The following NOP14 variants were observed in gnomAD, a reference collection of about 807,000 sequenced individuals.
NOP14 encodes the protein nucleolar protein 14.
In NOP14, 57 loss-of-function variants were observed where a neutral mutation model predicts 101.6. That is an observed-to-expected ratio of 0.56 (90% confidence interval 0.45 to 0.70). NOP14 has a LOEUF of 0.70. Among genes scored for constraint, NOP14 ranks in the 30% least tolerant of loss-of-function variants. The probability of loss-of-function intolerance (pLI) is 0.00; values close to 1 mark genes in which losing one functional copy is unlikely to be tolerated. For missense variants in NOP14, 1,134 were observed against 1,075.5 expected, an observed-to-expected ratio of 1.05 and a Z score of -0.76; for synonymous variants, 428 against 424.0, an observed-to-expected ratio of 1.01 and a Z score of -0.12.
At position 2,950,066 on chromosome 4, in the gene NOP14, A is replaced by T; in HGVS notation, c.1150T>A (p.Ser384Thr). ...TTTTCTTCCTCACTCTCCACGTTGGATTCCAGGTCCAAGTGGCTATCTGGG... is the reference window on the plus strand; with the variant it reads ...TTTTCTTCCTCACTCTCCACGTTGGTTTCCAGGTCCAAGTGGCTATCTGGG... ...DSPDSHLDLE[S>T]NVESEEENEK... The change falls in exon 8 of 18, where the codon TCC becomes ACC. Residue 384 changes from serine to threonine, a missense_variant. Physicochemically the swap from Ser to Thr is moderately conservative, Grantham distance 58. Transcript: ENST00000416614. 1 of 1,613,956 alleles carries T rather than the reference A, an allele frequency of 6.2e-7. No individual in the cohort carries two copies.
chr4:2,961,103 ATTT>A (rs1348933774), intron 1 of NOP14, among the ~76,000 whole-genome samples: 31 of 38,672 alleles, frequency 8.0e-4, no homozygotes, highest in African/African-American at 4.6e-3. Context: ...ATATATTAAT[ATTT>A]TAATAATATA....
chr4:2,938,989 C>T (rs1386832782), intron 17 of NOP14, 59 bp from the exon 18 acceptor site: 8 of 1,520,252 alleles, frequency 5.3e-6, no homozygotes, highest in East Asian at 2.3e-5. Context: ...AGCATCTTGC[C>T]CTCTCTCTCC....
chr4:2,941,890 C>G (rs185837917), intron 14 of NOP14, 161 bp from the exon 15 acceptor site: 76 of 824,752 alleles, frequency 9.2e-5, no homozygotes, highest in Admixed American at 1.9e-4. Context: ...ACGGGCAAGG[C>G]AGGCTCAGGG....
chr4:2,951,052 CAAA>C (rs1714993904), intron 7 of NOP14, 59 bp downstream of exon 7: 2 of 1,467,290 alleles, frequency 1.4e-6, no homozygotes, highest in African/African-American at 2.8e-5. Context: ...AAATGAATAC[CAAA>C]AAAATGTTTT....
intron 1 of NOP14, among the ~76,000 whole-genome samples, chr4:2,961,202 A>AATGATATT (rs1553864839): frequency 2.0e-5 from 2 of 102,116 alleles, no homozygotes; most frequent in African/African-American, 4.5e-5. Flanking sequence ...CTAATATTAT[A>AATGATATT]ATAATATATT....
At chr4:2,946,685 A>G (rs1315672772) in intron 10 of NOP14, 138 bp from the exon 11 acceptor site, 1 of 719,134 alleles carries the variant, frequency 1.4e-6, no homozygotes, top group African/African-American at 1.8e-5. Context: ...TTCTAACAGC[A>G]TTCTTAAGAG....
chr4:2,941,227 C>T (rs1304825182), intron 15 of NOP14: 2 of 238,862 alleles, frequency 8.4e-6, no homozygotes, highest in Non-Finnish European at 1.7e-5. Context: ...GATAGTGAGA[C>T]CATCCTTGGA....
rs1713818021 is a variant in NOP14, at chr4:2,938,299, T to C, written c.*532A>G. On this transcript the variant is annotated 3_prime_UTR_variant, in exon 18 of 18. Transcript: ENST00000416614. ...TAATTGGGGGGCCAAGGCAGGTGGA[T>C]TACCTGAGGTCGGGAATTCGAGACC... The C allele has an allele frequency of 9.4e-7, 1 of 1,069,392 alleles. No homozygotes were observed. The highest frequency in any genetic ancestry group is 1.3e-5 in the South Asian group (1 of 76,496). 66.2% of individuals were successfully genotyped at this position (1,069,392 alleles called of 1,614,324 possible). A position where few individuals can be genotyped will look rare whatever the true frequency, so the allele number is the denominator to read the frequency against.
chr4:2,959,646 G>A (rs1295239366), intron 1 of NOP14, among the ~76,000 whole-genome samples: 1 of 152,074 alleles, frequency 6.6e-6, no homozygotes, highest in African/African-American at 2.4e-5. Context: ...ACAATTTCCT[G>A]AACCAGAGTC....
At position 2,944,094 on chromosome 4, in the gene NOP14, T is replaced by G. The variant is rs761697381; in HGVS notation, c.1870A>C (p.Thr624Pro). The stretch of plus-strand genomic sequence containing the variant: ...TCACCTTGGCTTGCTTTGTTTGGAG[T>G]TGCTATGTAAAGAATCCCAAGAAGA... ...NFLLGILYIATPNKASQGSTL... is the reference protein window; with the variant it reads ...NFLLGILYIAPPNKASQGSTL... Residue 624 changes from threonine (T) to proline (P), a missense_variant, in exon 13 of 18, where the codon ACT (threonine) becomes CCT (proline). Physicochemically the swap from Thr to Pro is conservative, Grantham distance 38. Transcript: ENST00000416614. The G allele has an allele frequency of 1.2e-6, 2 of 1,611,116 alleles. No homozygotes were observed. The highest frequency in any genetic ancestry group is 1.7e-6 in the Non-Finnish European group (2 of 1,178,912).
At chr4:2,939,784 C>A in intron 15 of NOP14, 139 bp from the exon 16 acceptor site, 1 of 732,556 alleles carries the variant, frequency 1.4e-6, no homozygotes. Context: ...CCTTGCTGTG[C>A]GCCTACCGGT....
intron 12 of NOP14, 105 bp from the exon 13 acceptor site, chr4:2,944,331 A>G: frequency 1.0e-6 from 1 of 987,688 alleles, no homozygotes; most frequent in South Asian, 1.7e-5. Flanking sequence ...TGAGCTTCAC[A>G]AGTACAGAGG....
Position 2,942,277 on chromosome 4 carries a change from C to T in NOP14, c.1966G>A (p.Val656Met), listed in dbSNP as rs1366297260. The change falls in exon 14 of 18, where the codon GTG becomes ATG. Residue 656 changes from valine to methionine, a missense_variant. Coordinates refer to ENST00000416614, the MANE Select transcript of NOP14 (RefSeq NM_001291978.2). ...AGGCTGCTCTGCTGCCACGTGGCCA[C>T]ATCCTCTCTAGCAGACACCACGAGC... ...ELLVVSARED[V>M]ATWQQSSLSL... The T allele has an allele frequency of 6.2e-7, 1 of 1,614,062 alleles. No homozygotes were observed. Among genetic ancestry groups the T allele is most frequent in the African/African-American group, 1.3e-5 (1 of 74,936 alleles).
chr4:2,949,873 C>T (rs1714896610), intron 8 of NOP14, 61 bp downstream of exon 8: 15 of 1,589,980 alleles, frequency 9.4e-6, no homozygotes, highest in African/African-American at 1.3e-5. Context: ...CGAACACACA[C>T]AGCTATGGCC....
At chr4:2,940,608 C>T (rs555723799) in intron 15 of NOP14, 5 of 152,484 alleles carry the variant, frequency 3.3e-5, no homozygotes, top group Admixed American at 2.0e-4. Context: ...AGCTTATCTG[C>T]TCTATGCTCC....
intron 13 of NOP14, among the ~76,000 whole-genome samples, chr4:2,942,654 C>T (rs998969728): frequency 3.3e-5 from 5 of 152,168 alleles, no homozygotes; most frequent in South Asian, 2.1e-4. Flanking sequence ...AGGCCACATC[C>T]GGGAACAGAC....
rs796129319 is a variant in NOP14 at position 2,950,389 on chromosome 4, T to C, written c.1003-176A>G. 18 of 653,548 alleles carry C rather than the reference T, an allele frequency of 2.8e-5. No homozygotes were observed. The African/African-American group carries it at 2.9e-4, about 11-fold the overall frequency. 40.5% of individuals were successfully genotyped at this position (653,548 alleles called of 1,614,324 possible). A position where few individuals can be genotyped will look rare whatever the true frequency, so the allele number is the denominator to read the frequency against. On this transcript the variant is annotated intron_variant, in intron 7 of 17. Transcript: ENST00000416614. Reference sequence around the variant, plus strand: ...AGGCCTCCTGCCCACCACCCGCTTCTAGGCTATTCGAGCCGCAGGAGCTAC... The same window carrying C: ...AGGCCTCCTGCCCACCACCCGCTTCCAGGCTATTCGAGCCGCAGGAGCTAC...
At chr4:2,948,465 T>A in intron 8 of NOP14, 57 bp from the exon 9 acceptor site, 3 of 1,327,468 alleles carry the variant, frequency 2.3e-6, no homozygotes, top group Non-Finnish European at 3.0e-6. Flanking sequence ...GTATATATAT[T>A]TATTTTTGAG....
chr4:2,944,166 C>T lies in NOP14; in HGVS notation c.1798G>A (p.Glu600Lys). 6.2e-7 allele frequency: 1 copy of T among 1,614,080 alleles called. No individual in the cohort carries two copies. Among genetic ancestry groups the T allele is most frequent in the Non-Finnish European group, 8.5e-7 (1 of 1,179,968 alleles). ...KGLFVCCLFL[E>K]YVALSQRFIP... ...AACCTCTGGGACAAAGCCACATACTCCAGGAACAGGCAGCACACGAACAGG... is the reference window on the plus strand; with the variant it reads ...AACCTCTGGGACAAAGCCACATACTTCAGGAACAGGCAGCACACGAACAGG... Residue 600 changes from glutamate (E) to lysine (K), a missense_variant, in exon 13 of 18, where the codon GAG becomes AAG. Coordinates refer to ENST00000416614, the MANE Select transcript of NOP14 (RefSeq NM_001291978.2).
Sources: allele counts gnomAD v4.1 joint callset (sites outside exome capture counted in the v4.1 genomes callset), GRCh38; gene constraint gnomAD v4.1.1; transcripts MANE v1.5; gene names NCBI Gene and HGNC (gene_info 2026-07-23, HGNC 2026-07-21).